ABL1: variants seen among roughly 807,000 people sequenced by gnomAD.
ABL1 encodes the protein tyrosine-protein kinase ABL1.
Under a neutral mutation model 94.7 loss-of-function variants are expected in ABL1, and 11 were observed. The ratio of observed to expected loss-of-function variants is 0.12; its 90% CI spans 0.07 to 0.19. The LOEUF is 0.19. Ranked by LOEUF, ABL1 falls within the 10% of genes least tolerant of loss-of-function variation. The probability of loss-of-function intolerance (pLI) is 1.00; values close to 1 mark genes in which losing one functional copy is unlikely to be tolerated. For synonymous variants in ABL1, 656 were observed against 622.4 expected, an observed-to-expected ratio of 1.05 and a Z score of -0.80; for missense variants, 1,082 against 1,489.4, an observed-to-expected ratio of 0.73 and a Z score of 4.50.
At chr9:130,775,010 C>T (rs1004780131) in intron 1 of ABL1, among the ~76,000 whole-genome samples, 1 of 152,142 alleles carries the variant, frequency 6.6e-6, no homozygotes, top group African/African-American at 2.4e-5. Flanking sequence ...TCTAAGCATG[C>T]CTTCTTTTAA....
Position 130,854,182 on chromosome 9 carries a change from C to T in ABL1, c.198C>T (p.Phe66=), listed in dbSNP as rs372724991. 6.8e-6 allele frequency: 11 copies of T among 1,614,054 alleles called. 1 individual carries two copies. The highest frequency in any genetic ancestry group is 4.4e-5 in the South Asian group (4 of 91,078). The change falls in exon 2 of 11, where the codon TTC becomes TTT. Residue 66 remains phenylalanine, a synonymous_variant. Coordinates refer to ENST00000318560, the MANE Select transcript of ABL1 (RefSeq NM_005157.6). The part of the protein sequence containing the change: ...AGPSENDPNL[F]VALYDFVASG... ...CCAGTGAAAATGACCCCAACCTTTTCGTTGCACTGTATGATTTTGTGGCCA... is the reference window on the plus strand; with the variant it reads ...CCAGTGAAAATGACCCCAACCTTTTTGTTGCACTGTATGATTTTGTGGCCA...
chr9:130,816,855 C>T (rs1483212380), intron 1 of ABL1, among the ~76,000 whole-genome samples: 1 of 152,214 alleles, frequency 6.6e-6, no homozygotes, highest in Non-Finnish European at 1.5e-5. Flanking sequence ...AGGCATGCAC[C>T]ACCACACCTG....
Position 130,814,512 on chromosome 9 carries a change from TAAC to T in ABL1, c.137-39551_137-39549del. 6.6e-6 allele frequency among the ~76,000 whole-genome samples: 1 copy of T among 152,322 alleles called. No homozygotes were observed. Among genetic ancestry groups the T allele is most frequent in the South Asian group, 2.1e-4 (1 of 4,828 alleles). ...GATTCTAAAGATATTGAAAGTGTAA[TAAC>T]TGAATATTGATCAGCAATCTAGAAG... On this transcript the variant is annotated intron_variant, in intron 1 of 10. Transcript: ENST00000372348. The surrounding 1 kb of genome is among the most constrained non-coding windows in gnomAD (Gnocchi z 4.4).
intron 4 of ABL1, among the ~76,000 whole-genome samples, chr9:130,868,490 G>A (rs1044243718): frequency 2.0e-5 from 3 of 151,552 alleles, no homozygotes; most frequent in Non-Finnish European, 4.4e-5. Context: ...AGAAACTGCT[G>A]GAAGGCCAAG....
At chr9:130,855,455 AAAT>A (rs1306914049) in intron 3 of ABL1, among the ~76,000 whole-genome samples, 4 of 152,338 alleles carry the variant, frequency 2.6e-5, no homozygotes, top group South Asian at 4.1e-4. Context: ...AGAAAAATTC[AAAT>A]AATAGATAAC....
chr9:130,731,366 A>G (rs1831664771), intron 1 of ABL1, among the ~76,000 whole-genome samples: 1 of 152,074 alleles, frequency 6.6e-6, no homozygotes, highest in African/African-American at 2.4e-5. Context: ...AGTCTAATTT[A>G]ATCTTTTATG....
At chr9:130,738,485 A>G (rs1274140274) in intron 1 of ABL1, among the ~76,000 whole-genome samples, 2 of 152,244 alleles carry the variant, frequency 1.3e-5, no homozygotes, top group African/African-American at 4.8e-5. Context: ...TGCATGAAGA[A>G]GAACACACAA....
At chr9:130,741,248 C>T (rs564656699) in intron 1 of ABL1, among the ~76,000 whole-genome samples, 1 of 152,178 alleles carries the variant, frequency 6.6e-6, no homozygotes, top group Admixed American at 6.5e-5. Flanking sequence ...CCACAAATGC[C>T]ACAGCAGACC....
rs201146085 is a variant in ABL1, at chr9:130,885,214, C to T, written c.2924C>T (p.Pro975Leu). The change falls in exon 11 of 11, where the codon CCC (proline) becomes CTC (leucine). Residue 975 changes from proline (P) to leucine (L), a missense_variant. Physicochemically the swap from Pro to Leu is moderately conservative, Grantham distance 98. This residue lies in a region of ABL1 where 780 missense variants were observed against 835.8 expected (regional missense o/e 0.93). Coordinates refer to ENST00000318560, the MANE Select transcript of ABL1 (RefSeq NM_005157.6). ...CAGTCCGCCAAGCCGTCGGGGACCCCCATCAGCCCAGCCCCCGTTCCCTCC... is the reference window on the plus strand; with the variant it reads ...CAGTCCGCCAAGCCGTCGGGGACCCTCATCAGCCCAGCCCCCGTTCCCTCC... ...KPQSAKPSGTPISPAPVPSTL... is the reference protein window; with the variant it reads ...KPQSAKPSGTLISPAPVPSTL... 6 of 1,613,708 alleles carry T rather than the reference C, an allele frequency of 3.7e-6. No individual in the cohort carries two copies. The East Asian group carries it at 8.9e-5, about 24-fold the overall frequency.
At chr9:130,802,109 T>C (rs1394114278) in intron 1 of ABL1, among the ~76,000 whole-genome samples, 2 of 151,204 alleles carry the variant, frequency 1.3e-5, no homozygotes, top group Admixed American at 1.3e-4. Flanking sequence ...TTTTTTTTTT[T>C]TGAAATGGTC....
chr9:130,798,200 C>G (rs930880760), intron 1 of ABL1, among the ~76,000 whole-genome samples: 3 of 152,062 alleles, frequency 2.0e-5, no homozygotes, highest in Non-Finnish European at 4.4e-5. Flanking sequence ...ACTTTTTCTC[C>G]TGGCTTTTTG....
intron 1 of ABL1, among the ~76,000 whole-genome samples, chr9:130,744,955 A>G (rs912736740): frequency 6.6e-6 from 1 of 151,956 alleles, no homozygotes; most frequent in Admixed American, 6.6e-5. Flanking sequence ...CTAATGATGT[A>G]AGTGCCAAAG....
intron 1 of ABL1, among the ~76,000 whole-genome samples, chr9:130,774,985 C>T (rs920228714): frequency 5.9e-5 from 9 of 152,150 alleles, no homozygotes; most frequent in Non-Finnish European, 1.0e-4. Context: ...AAAAACCTCC[C>T]GAGATAACTT....
intron 1 of ABL1, among the ~76,000 whole-genome samples, chr9:130,829,548 G>C (rs1305141113): frequency 1.5e-5 from 2 of 137,704 alleles, no homozygotes; most frequent in East Asian, 4.2e-4. Context: ...CTGGGTGACA[G>C]AGCGAGACTA....
chr9:130,824,038 T>C (rs1198947871), intron 1 of ABL1, among the ~76,000 whole-genome samples: 1 of 152,216 alleles, frequency 6.6e-6, no homozygotes, highest in African/African-American at 2.4e-5. Context: ...TTGCCTAGTG[T>C]ATTACAGTTC....
upstream of ABL1, among the ~76,000 whole-genome samples, chr9:130,832,590 A>G (rs1830506138): frequency 6.6e-6 from 1 of 152,226 alleles, no homozygotes; most frequent in African/African-American, 2.4e-5. Context: ...GAATTAAACT[A>G]TACAAAATCA....
chr9:130,750,270 T>A (rs1230747549), intron 1 of ABL1, among the ~76,000 whole-genome samples: 1 of 146,300 alleles, frequency 6.8e-6, no homozygotes, highest in Non-Finnish European at 1.5e-5. Context: ...GGTGGGCTGG[T>A]AAAGGCTTTT....
chr9:130,857,758 A>G (rs775871747), intron 3 of ABL1, among the ~76,000 whole-genome samples: 16 of 151,838 alleles, frequency 1.1e-4, no homozygotes, highest in Non-Finnish European at 2.2e-4. Context: ...TATTGCCCAT[A>G]TCTGATGCTT....
chr9:130,865,376 C>T (rs1242407782), intron 4 of ABL1, among the ~76,000 whole-genome samples: 1 of 152,168 alleles, frequency 6.6e-6, no homozygotes, highest in African/African-American at 2.4e-5. Flanking sequence ...CCTGGCCGTG[C>T]GCAGAAACAT....
Sources: allele counts gnomAD v4.1 joint callset (sites outside exome capture counted in the v4.1 genomes callset), GRCh38; gene constraint gnomAD v4.1.1; regional missense constraint gnomAD v4.1.1; non-coding constraint Gnocchi (gnomAD v3.1); transcripts MANE v1.5; gene names NCBI Gene and HGNC (gene_info 2026-07-23, HGNC 2026-07-21).